The following PLXNB3 variants were observed in gnomAD, a reference collection of about 807,000 sequenced individuals.
PLXNB3 encodes plexin B3.
Under a neutral mutation model 125.7 loss-of-function variants are expected in PLXNB3, and 80 were observed. The observed-to-expected ratio is 0.64, with a 90% CI of 0.53 to 0.77. PLXNB3 has a LOEUF of 0.77. Ranked by LOEUF, PLXNB3 falls within the 30% of genes least tolerant of loss-of-function variation. The probability of loss-of-function intolerance (pLI) is 0.00; values close to 1 mark genes in which losing one functional copy is unlikely to be tolerated. For synonymous variants in PLXNB3, 954 were observed against 783.3 expected (o/e 1.22, Z -3.64); for missense variants, 1,836 against 1,729.3 (o/e 1.06, Z -1.09).
rs782418188 is a variant in PLXNB3 at position 153,774,676 on chromosome X, C to G, written c.3831-30C>G. The G allele has an allele frequency of 2.8e-5, 32 of 1,150,931 alleles. No individual in the cohort carries two copies. The South Asian group carries it at 5.8e-4, about 21-fold the overall frequency. The allele number at this position is 1,150,931 out of a possible 1,213,427, so 94.8% of individuals were successfully genotyped here. The stretch of plus-strand genomic sequence containing the variant: ...GCCCTGGCTGATGCTGGCCCCGGCC[C>G]TGGCTGATGAAGCTGGCCCCGGGCT... On this transcript the variant is annotated intron_variant, in intron 22 of 35. Coordinates refer to ENST00000361971, the MANE Select transcript of PLXNB3 (RefSeq NM_005393.3).
intron 9 of PLXNB3, 27 bp downstream of exon 9, chrX:153,770,473 G>C (rs782288046): frequency 1.8e-5 from 22 of 1,199,577 alleles, no homozygotes; most frequent in Non-Finnish European, 2.3e-5. Context: ...GCCTCCTGGG[G>C]TAGGGGTGGC....
rs782567003 is a variant in PLXNB3 at position 153,771,878 on chromosome X, C to T, written c.2532C>T (p.Thr844=). 7.5e-6 allele frequency: 9 copies of T among 1,207,391 alleles called. No individual in the cohort carries two copies. Among genetic ancestry groups the T allele is most frequent in the South Asian group, 7.1e-5 (4 of 56,643 alleles). The stretch of plus-strand genomic sequence containing the variant: ...GCCTGCTGCAGGTCGAGCCCCTGAC[C>T]GGTCCCCCTGAGGGAGGCTTGGCCC... The part of the protein sequence containing the change: ...APSIDAVEPL[T]GPPEGGLALT... Residue 844 remains threonine, a synonymous_variant, in exon 15 of 36, where the codon ACC becomes ACT. Coordinates refer to ENST00000361971, the MANE Select transcript of PLXNB3 (RefSeq NM_005393.3).
At position 153,768,380 on chromosome X, in the gene PLXNB3, T is replaced by G. The variant is rs782017806; in HGVS notation, c.1218T>G (p.Asp406Glu). The change falls in exon 4 of 36, where the codon GAT becomes GAG. Residue 406 changes from aspartate to glutamate, a missense_variant. Physicochemically the swap from Asp to Glu is conservative, Grantham distance 45. Coordinates refer to ENST00000361971, the MANE Select transcript of PLXNB3 (RefSeq NM_005393.3). ...PVSAVAALQA[D>E]GHMIAFLGDT... Reference sequence around the variant, plus strand: ...GCGCCGTGGCAGCTCTCCAGGCAGATGGGCACATGATAGCCTTCCTGGGGG... The same window carrying G: ...GCGCCGTGGCAGCTCTCCAGGCAGAGGGGCACATGATAGCCTTCCTGGGGG... The G allele has an allele frequency of 8.3e-7, 1 of 1,208,619 alleles. No individual in the cohort carries two copies. Among genetic ancestry groups the G allele is most frequent in the South Asian group, 1.8e-5 (1 of 56,777 alleles).
At chrX:153,774,367 C>T in intron 21 of PLXNB3, 23 bp downstream of exon 21, 3 of 1,155,708 alleles carry the variant, frequency 2.6e-6, no homozygotes, top group Non-Finnish European at 3.5e-6. Flanking sequence ...CCTGGGTGGG[C>T]AGGTGGACCG....
At chrX:153,766,058 G>A in intron 2 of PLXNB3, 1 of 1,055,743 alleles carries the variant, frequency 9.5e-7, no homozygotes, top group Non-Finnish European at 1.2e-6. Context: ...CCCTGTGCCA[G>A]GCCCTGAGAG....
rs1557062003 is a variant in PLXNB3, at chrX:153,771,818, A to G, written c.2518-46A>G. 6 of 1,181,951 alleles carry G rather than the reference A, an allele frequency of 5.1e-6. No homozygotes were observed. The African/African-American group carries it at 1.1e-4, about 21-fold the overall frequency. On this transcript the variant is annotated intron_variant, in intron 14 of 35. Coordinates refer to ENST00000361971, the MANE Select transcript of PLXNB3 (RefSeq NM_005393.3). ...CCGGGCACCCAGCACTGCAGAGTGG[A>G]GCGTGGGTGCGGGGGACCCCATCTG...
intron 2 of PLXNB3, 27 bp from the exon 3 acceptor site, chrX:153,766,846 A>C (rs1557059364): frequency 8.6e-7 from 1 of 1,159,819 alleles, no homozygotes; most frequent in Non-Finnish European, 1.1e-6. Context: ...TTGCGCTCCC[A>C]CTGCCCTGAC....
Position 153,775,212 on chromosome X carries a change from G to A in PLXNB3, c.4156-13G>A, listed in dbSNP as rs377129426. The A allele has an allele frequency of 2.5e-5, 29 of 1,163,813 alleles. No individual in the cohort carries two copies. The highest frequency in any genetic ancestry group is 1.4e-4 in the African/African-American group (8 of 56,915). On this transcript the variant is annotated splice_polypyrimidine_tract_variant and intron_variant, in intron 24 of 35. Coordinates refer to ENST00000361971, the MANE Select transcript of PLXNB3 (RefSeq NM_005393.3). ...GTGGGGCTTCCCAGGATGAGCCTCCGACCCCTGCTCAGCTCATCCACACCC... is the reference window on the plus strand; with the variant it reads ...GTGGGGCTTCCCAGGATGAGCCTCCAACCCCTGCTCAGCTCATCCACACCC...
At position 153,770,961 on chromosome X, in the gene PLXNB3, C is replaced by A. The variant is rs1557061617; in HGVS notation, c.2137-4C>A. The A allele has an allele frequency of 1.7e-6, 2 of 1,209,961 alleles. No homozygotes were observed. The highest frequency in any genetic ancestry group is 1.1e-6 in the Non-Finnish European group (1 of 894,700). On this transcript the variant is annotated splice_region_variant and splice_polypyrimidine_tract_variant and intron_variant, in intron 11 of 35. Coordinates refer to ENST00000361971, the MANE Select transcript of PLXNB3 (RefSeq NM_005393.3). ...TCCACACTCCTGACAGCGTCCTTCCCCAGGGCCTGCCTGCCTCCTTCCACT... is the reference window on the plus strand; with the variant it reads ...TCCACACTCCTGACAGCGTCCTTCCACAGGGCCTGCCTGCCTCCTTCCACT...
At position 153,774,863 on chromosome X, in the gene PLXNB3, G is replaced by C; in HGVS notation, c.3932-17G>C. On this transcript the variant is annotated splice_polypyrimidine_tract_variant and intron_variant, in intron 23 of 35. Coordinates refer to ENST00000361971, the MANE Select transcript of PLXNB3 (RefSeq NM_005393.3). ...ACGAGGCCTGAACTCACACCTCGGC[G>C]CCTCCTGGCCCCGCAGACCTCATGA... 8.3e-7 allele frequency: 1 copy of C among 1,205,272 alleles called. No homozygotes were observed. The highest frequency in any genetic ancestry group is 1.1e-6 in the Non-Finnish European group (1 of 892,273).
intron 1 of PLXNB3, among the ~76,000 whole-genome samples, 197 bp from the exon 2 acceptor site, chrX:153,765,274 G>A (rs1235633917): frequency 8.8e-6 from 1 of 113,084 alleles, no homozygotes; most frequent in Non-Finnish European, 1.9e-5. Context: ...TAGCGAGTGG[G>A]GCCCTGGCCT....
rs1557065207 is a variant in PLXNB3, at chrX:153,778,276, A to G, written c.5425A>G (p.Lys1809Glu). 1 of 1,198,015 alleles carries G rather than the reference A, an allele frequency of 8.3e-7. No homozygotes were observed. ...HKVGRDSPVN[K>E]LLYAREIPRY... ...TCCGGAGCAGGATTCCCCAGTGAAC[A>G]AACTGCTCTACGCCCGGGAGATCCC... The change falls in exon 33 of 36, where the codon AAA becomes GAA. Residue 1809 changes from lysine (K) to glutamate (E), a missense_variant. Transcript: ENST00000361971.
At chrX:153,764,901 G>A (rs1557058674) in intron 1 of PLXNB3, among the ~76,000 whole-genome samples, 1 of 113,004 alleles carries the variant, frequency 8.8e-6, no homozygotes, top group East Asian at 2.8e-4. Flanking sequence ...GGTCCTGCTC[G>A]CTGCCACCAT....
chrX:153,773,448 G>C, intron 18 of PLXNB3, 42 bp downstream of exon 18: 1 of 1,185,487 alleles, frequency 8.4e-7, no homozygotes, highest in Non-Finnish European at 1.1e-6. Flanking sequence ...CCACGCAGGA[G>C]GGAAGGTGGG....
chrX:153,765,579 TG>T lies in PLXNB3; in HGVS notation c.45+1del. ...GAGACCCCTCTGCTGCACCACTTCA[TG>T]GTAAGTGCCCAGGCCCGGTGTCCCC... Reference protein sequence around the residue: ...AQETPLLHHFMAPVMARWPPF... With the variant: ...AQETPLLHHFXAPVMARWPPF... On this transcript the variant is annotated frameshift_variant and splice_region_variant, in exon 2 of 36. Coordinates refer to ENST00000361971, the MANE Select transcript of PLXNB3 (RefSeq NM_005393.3). LOFTEE classifies it high-confidence loss of function. The T allele has an allele frequency of 8.4e-7, 1 of 1,192,954 alleles. No individual in the cohort carries two copies. Among genetic ancestry groups the T allele is most frequent in the Non-Finnish European group, 1.1e-6 (1 of 885,873 alleles).
chrX:153,773,627 C>G lies in PLXNB3; in HGVS notation c.3193C>G (p.Pro1065Ala), dbSNP rs782245749. The change falls in exon 19 of 36, where the codon CCC becomes GCC. Residue 1065 changes from proline to alanine, a missense_variant. Physicochemically the swap from Pro to Ala is conservative, Grantham distance 27. Coordinates refer to ENST00000361971, the MANE Select transcript of PLXNB3 (RefSeq NM_005393.3). ...DAEVQASRAQ[P>A]QDPQPRRSCG... is the part of the protein sequence containing the mutation. The stretch of plus-strand genomic sequence containing the variant: ...AGAGGTGCAGGCTTCCAGGGCCCAG[C>G]CCCAGGACCCACAGCCAAGGAGGAG... 8 of 1,200,147 alleles carry G rather than the reference C, an allele frequency of 6.7e-6. No homozygotes were observed. The African/African-American group carries it at 1.4e-4, about 21-fold the overall frequency.
In PLXNB3 at chrX:153,775,010, T is replaced by A; in HGVS notation, c.4062T>A (p.Pro1354=). 2 of 1,207,397 alleles carry A rather than the reference T, an allele frequency of 1.7e-6. No homozygotes were observed. The highest frequency in any genetic ancestry group is 1.8e-5 in the South Asian group (1 of 56,500). The stretch of plus-strand genomic sequence containing the variant: ...GCGGTTGCCCGCTGCAGCCCAAGCC[T>A]GAGGGGCCAGGGGAGGACGGCCACT... ...GHGGCPLQPK[P]EGPGEDGHCA... The change falls in exon 24 of 36, where the codon CCT becomes CCA. Residue 1354 remains proline (P), a synonymous_variant. Transcript: ENST00000361971.
chrX:153,768,531 G>T (rs1266188740), intron 4 of PLXNB3, 103 bp downstream of exon 4: 3 of 789,866 alleles, frequency 3.8e-6, no homozygotes, highest in African/African-American at 4.1e-5. Context: ...CCACGGTTGG[G>T]TCAGGGGACT....
chrX:153,765,622 G>GGGGCAGGGTA (rs1232959634), intron 2 of PLXNB3, 42 bp downstream of exon 2: 1 of 1,174,023 alleles, frequency 8.5e-7, no homozygotes, highest in Non-Finnish European at 1.1e-6. Flanking sequence ...GTTCCTGGGA[G>GGGGCAGGGTA]GGGCAGGGTA....
Sources: gnomAD v4.1 joint callset for allele counts (sites outside exome capture counted in the v4.1 genomes callset) on GRCh38, gnomAD v4.1.1 for gene constraint, MANE v1.5 for transcripts, NCBI Gene and HGNC (gene_info 2026-07-23, HGNC 2026-07-21) for gene names.